RBM34: variants seen among roughly 807,000 people sequenced by gnomAD.
The protein encoded by RBM34 is RNA-binding protein 34.
RBM34 carries 39 observed loss-of-function variants against 44.6 expected under a neutral mutation model. The ratio of observed to expected loss-of-function variants is 0.87; its 90% CI spans 0.68 to 1.14. The LOEUF is 1.14. Among genes scored for constraint, RBM34 ranks in the 50% most tolerant of loss-of-function variants. RBM34 has a pLI of 0.00. For missense variants in RBM34, 572 were observed against 517.9 expected, an observed-to-expected ratio of 1.10 and a Z score of -1.01; for synonymous variants, 194 against 184.0, an observed-to-expected ratio of 1.05 and a Z score of -0.44.
At chr1:235,155,862 T>TATATATATATATATAC (rs1322918501) in intron 3 of RBM34, among the ~76,000 whole-genome samples, 10 of 39,972 alleles carry the variant, frequency 2.5e-4, no homozygotes, top group East Asian at 6.1e-4. Flanking sequence ...TATATATATA[T>TATATATATATATATAC]ATATACATAT....
chr1:235,140,250 G>A (rs1385585569), intron 6 of RBM34, among the ~76,000 whole-genome samples: 4 of 152,232 alleles, frequency 2.6e-5, no homozygotes, highest in South Asian at 4.1e-4. Context: ...GGCCAAGGCC[G>A]GAGCCGGCTC....
At position 235,161,075 on chromosome 1, in the gene RBM34, T is replaced by A. The variant is rs773822717; in HGVS notation, c.54-8A>T. ...CCGTCGTCAGGATTCTCTCTAGAAATGGACGACAGAAACTCAGCCACGCCA... is the reference window on the plus strand; with the variant it reads ...CCGTCGTCAGGATTCTCTCTAGAAAAGGACGACAGAAACTCAGCCACGCCA... On this transcript the variant is annotated splice_polypyrimidine_tract_variant and splice_region_variant and intron_variant, in intron 1 of 10. Coordinates refer to ENST00000408888, the MANE Select transcript of RBM34 (RefSeq NM_015014.4). The A allele has an allele frequency of 1.9e-6, 3 of 1,610,488 alleles. No individual in the cohort carries two copies. Among genetic ancestry groups the A allele is most frequent in the Admixed American group, 1.7e-5 (1 of 59,908 alleles).
intron 3 of RBM34, among the ~76,000 whole-genome samples, chr1:235,156,201 G>A (rs1662436297): frequency 6.6e-6 from 1 of 150,878 alleles, no homozygotes; most frequent in South Asian, 2.1e-4. Context: ...ACAGGGTTTT[G>A]CTATGTTGCC....
chr1:235,154,368 T>C (rs1662304978), intron 4 of RBM34, among the ~76,000 whole-genome samples: 1 of 150,990 alleles, frequency 6.6e-6, no homozygotes, highest in African/African-American at 2.4e-5. Flanking sequence ...GCCCAGGAGT[T>C]TGAGACCAGC....
chr1:235,153,866 T>C (rs1174525693), intron 4 of RBM34, among the ~76,000 whole-genome samples: 2 of 152,212 alleles, frequency 1.3e-5, no homozygotes, highest in African/African-American at 4.8e-5. Flanking sequence ...GCTTCAGTGA[T>C]CGTCACACAA....
intron 5 of RBM34, 151 bp from the exon 6 acceptor site, chr1:235,148,598 T>TC: frequency 2.2e-6 from 1 of 461,800 alleles, no homozygotes; most frequent in East Asian, 4.6e-5. Flanking sequence ...TGTCCTAATT[T>TC]TTTTTTTTTT....
At chr1:235,155,137 A>T in intron 3 of RBM34, 25 bp from the exon 4 acceptor site, 1 of 1,585,580 alleles carries the variant, frequency 6.3e-7, no homozygotes. Flanking sequence ...AAATAAAATA[A>T]GCAGTAAGAG....
intron 6 of RBM34, among the ~76,000 whole-genome samples, chr1:235,140,369 G>A (rs1661627177): frequency 1.3e-5 from 2 of 152,094 alleles, no homozygotes; most frequent in Middle Eastern, 3.2e-3. Context: ...GGCGGGCCCC[G>A]CACTCGGAGC....
rs778841894 is a variant in RBM34, at chr1:235,136,069, T to C, written c.854A>G (p.Asp285Gly). ...ATTCCCCACAAAAACCGATCTCTTGTCTCTCTGAAACAAAAAGACAGTTAA... is the reference window on the plus strand; with the variant it reads ...ATTCCCCACAAAAACCGATCTCTTGCCTCTCTGAAACAAAAAGACAGTTAA... ...VDLASETSSR[D>G]KRSVFVGNLP... Residue 285 changes from aspartate to glycine, a missense_variant, in exon 9 of 11, where the codon GAC (aspartate) becomes GGC (glycine). Coordinates refer to ENST00000408888, the MANE Select transcript of RBM34 (RefSeq NM_015014.4). The C allele has an allele frequency of 1.2e-6, 2 of 1,600,138 alleles. No homozygotes were observed. Among genetic ancestry groups the C allele is most frequent in the Non-Finnish European group, 1.7e-6 (2 of 1,169,674 alleles).
At chr1:235,133,312 G>A (rs1250148805) in intron 10 of RBM34, among the ~76,000 whole-genome samples, 2 of 152,230 alleles carry the variant, frequency 1.3e-5, no homozygotes, top group African/African-American at 4.8e-5. Flanking sequence ...AAGCACTCCA[G>A]CCTGAGCAAC....
intron 6 of RBM34, among the ~76,000 whole-genome samples, chr1:235,146,153 C>T (rs1422509615): frequency 6.6e-6 from 1 of 151,548 alleles, no homozygotes; most frequent in African/African-American, 2.4e-5. Flanking sequence ...GGGGTTTTGC[C>T]ATTTTGCCCA....
intron 10 of RBM34, among the ~76,000 whole-genome samples, chr1:235,134,973 A>G (rs1348773426): frequency 6.6e-6 from 1 of 151,126 alleles, no homozygotes; most frequent in African/African-American, 2.4e-5. Flanking sequence ...CGAATTCCCG[A>G]CTTCAGGTGA....
At chr1:235,157,621 G>C (rs1662507214) in intron 3 of RBM34, among the ~76,000 whole-genome samples, 1 of 152,150 alleles carries the variant, frequency 6.6e-6, no homozygotes, top group African/African-American at 2.4e-5. Context: ...GGGTGACAAA[G>C]GGTCACAAGA....
chr1:235,152,569 CT>C, intron 5 of RBM34, 136 bp downstream of exon 5: 1 of 1,424,032 alleles, frequency 7.0e-7, no homozygotes, highest in Admixed American at 3.0e-5. Flanking sequence ...AAGAGCAACT[CT>C]TTTCTTGGGT....
At chr1:235,135,011 T>G (rs1661357073) in intron 10 of RBM34, among the ~76,000 whole-genome samples, 1 of 151,932 alleles carries the variant, frequency 6.6e-6, no homozygotes, top group Non-Finnish European at 1.5e-5. Flanking sequence ...CCCAAAGTGC[T>G]GGGATTACAG....
chr1:235,132,378 G>A lies in RBM34; in HGVS notation c.1009-381C>T, dbSNP rs1661245996. Among the ~76,000 whole-genome samples, 4 of 151,838 alleles carry A rather than the reference G, an allele frequency of 2.6e-5. 1 individual carries two copies. Among genetic ancestry groups the A allele is most frequent in the African/African-American group, 9.7e-5 (4 of 41,296 alleles). On this transcript the variant is annotated intron_variant, in intron 10 of 10. Transcript: ENST00000408888. ...GGCTGGAGTGCAGTGGCACGATCTC[G>A]GCTCACTGTGACCTCTACCTCCTGA... is the stretch of plus-strand genomic sequence containing the variant.
chr1:235,142,908 C>A (rs944447402), intron 6 of RBM34, among the ~76,000 whole-genome samples: 30 of 111,424 alleles, frequency 2.7e-4, no homozygotes, highest in Non-Finnish European at 4.0e-4. Context: ...AGCCTGGTGA[C>A]AGAGCAAGGA....
rs147261405 is a variant in RBM34 at position 235,152,177 on chromosome 1, A to G, written c.657+529T>C. Reference sequence around the variant, plus strand: ...AATCATGTATGGGAAAACCAAATATAAATGATACTTATTTCCTGCTCCAAA... The same window carrying G: ...AATCATGTATGGGAAAACCAAATATGAATGATACTTATTTCCTGCTCCAAA... On this transcript the variant is annotated intron_variant, in intron 5 of 10. Transcript: ENST00000408888. Among the ~76,000 whole-genome samples, 1,383 of 152,348 alleles carry G rather than the reference A, an allele frequency of 9.1e-3. 26 individuals are homozygous for G. The highest frequency in any genetic ancestry group is 0.03 in the African/African-American group (1,247 of 41,574).
intron 10 of RBM34, among the ~76,000 whole-genome samples, chr1:235,133,563 G>T (rs920997608): frequency 2.0e-5 from 3 of 152,096 alleles, no homozygotes; most frequent in Admixed American, 6.6e-5. Context: ...AAAACTGAAA[G>T]GAAATGTAGT....
Sources: gnomAD v4.1 joint callset for allele counts (sites outside exome capture counted in the v4.1 genomes callset) on GRCh38, gnomAD v4.1.1 for gene constraint, MANE v1.5 for transcripts, NCBI Gene and HGNC (gene_info 2026-07-23, HGNC 2026-07-21) for gene names.